Variants in MARCHF8 observed in about 807,000 individuals in gnomAD.
The protein encoded by MARCHF8 is E3 ubiquitin-protein ligase MARCHF8.
A neutral mutation model predicts 51.6 loss-of-function variants in MARCHF8; 40 were observed. That is an observed-to-expected ratio of 0.77 (90% confidence interval 0.60 to 1.01). MARCHF8 has a LOEUF of 1.01. Ranked by LOEUF, MARCHF8 falls within the 50% of genes least tolerant of loss-of-function variation. The probability of loss-of-function intolerance (pLI) is 0.00; values close to 1 mark genes in which losing one functional copy is unlikely to be tolerated. For synonymous variants in MARCHF8, 263 were observed against 280.3 expected, an observed-to-expected ratio of 0.94 and a Z score of 0.62; for missense variants, 685 against 708.6, an observed-to-expected ratio of 0.97 and a Z score of 0.38.
chr10:45,498,517 C>T (rs1238714204), intron 2 of MARCHF8, among the ~76,000 whole-genome samples: 1 of 152,076 alleles, frequency 6.6e-6, no homozygotes, highest in Admixed American at 6.5e-5. Flanking sequence ...GCTCTGTCAC[C>T]CAGGCTGGAG....
At chr10:45,593,479 TTCAC>T (rs1420126604) in intron 1 of MARCHF8, 1 of 152,234 alleles carries the variant, frequency 6.6e-6, no homozygotes, top group Non-Finnish European at 1.5e-5. Flanking sequence ...CAAGAGCATG[TTCAC>T]ATTATTTCAT....
At chr10:45,556,697 C>T (rs960200392) in intron 1 of MARCHF8, among the ~76,000 whole-genome samples, 3 of 152,162 alleles carry the variant, frequency 2.0e-5, no homozygotes, top group Non-Finnish European at 4.4e-5. Flanking sequence ...GGGTCAAGTC[C>T]CTTATTTCTC....
rs1189644484 is a variant in MARCHF8, at chr10:45,464,446, G to A, written c.154-119C>T. 3.7e-5 allele frequency: 29 copies of A among 785,782 alleles called. 1 individual carries two copies. In the East Asian group the frequency reaches 4.3e-4, roughly 12 times the overall value. The allele number at this position is 785,782 out of a possible 1,614,324, so 48.7% of individuals were successfully genotyped here. On this transcript the variant is annotated intron_variant, in intron 3 of 7. Transcript: ENST00000453424. ...TGTCTGCTGCTTCCCGCTGCTCAAC[G>A]AGTAACACATATTAGATCCTTCTAA...
intron 1 of MARCHF8, among the ~76,000 whole-genome samples, chr10:45,580,340 A>AT (rs1491235976): frequency 2.0e-5 from 3 of 152,212 alleles, no homozygotes; most frequent in Non-Finnish European, 4.4e-5. Context: ...CAGAACAGAC[A>AT]TATTATAAAC....
intron 1 of MARCHF8, among the ~76,000 whole-genome samples, chr10:45,564,842 T>C (rs570071109): frequency 6.6e-6 from 1 of 151,174 alleles, no homozygotes; most frequent in Admixed American, 6.6e-5. Flanking sequence ...ACATCTATAA[T>C]GCTCAAAGAG....
rs188098744 is a variant in MARCHF8 at position 45,567,893 on chromosome 10, T to C, written c.-79+26342A>G. The stretch of plus-strand genomic sequence containing the variant: ...TTGGGTAGTATGGACATTTTAACAA[T>C]ACTGATTCTTCCAATCCATGAACAT... On this transcript the variant is annotated intron_variant, in intron 1 of 6. Transcript: ENST00000319836. Among the ~76,000 whole-genome samples, 32 of 152,336 alleles carry C rather than the reference T, an allele frequency of 2.1e-4. No homozygotes were observed. The East Asian group carries it at 5.4e-3, about 26-fold the overall frequency.
At chr10:45,562,491 G>A (rs962365027) in intron 1 of MARCHF8, among the ~76,000 whole-genome samples, 4 of 152,056 alleles carry the variant, frequency 2.6e-5, no homozygotes, top group East Asian at 1.9e-4. Flanking sequence ...TATTATCTTC[G>A]AAGTATCAAG....
chr10:45,498,896 A>C (rs986512078), intron 2 of MARCHF8, among the ~76,000 whole-genome samples: 1 of 152,234 alleles, frequency 6.6e-6, no homozygotes, highest in Non-Finnish European at 1.5e-5. Flanking sequence ...ACTGTAAATA[A>C]TGTTGCTATG....
intron 1 of MARCHF8, among the ~76,000 whole-genome samples, chr10:45,547,244 G>A (rs957731211): frequency 3.9e-5 from 6 of 152,032 alleles, no homozygotes; most frequent in Non-Finnish European, 8.8e-5. Context: ...TAATAATGGA[G>A]GAAAAAACTA....
At chr10:45,535,650 C>T (rs369315388), upstream of MARCHF8, among the ~76,000 whole-genome samples, 10 of 152,098 alleles carry the variant, frequency 6.6e-5, no homozygotes, top group African/African-American at 1.4e-4. Flanking sequence ...TACAAACAAA[C>T]GATAAAACAG....
At chr10:45,582,802 G>GA (rs777825781) in intron 1 of MARCHF8, among the ~76,000 whole-genome samples, 221 of 152,250 alleles carry the variant, frequency 1.5e-3, no homozygotes, top group Admixed American at 3.0e-3. Flanking sequence ...TGATGCAGGT[G>GA]AAAAAAACTA....
At chr10:45,503,988 T>G (rs2043332052) in intron 2 of MARCHF8, among the ~76,000 whole-genome samples, 1 of 151,754 alleles carries the variant, frequency 6.6e-6, no homozygotes, top group Admixed American at 6.6e-5. Flanking sequence ...GAATGGGGAG[T>G]GACTGCTAAT....
intron 1 of MARCHF8, among the ~76,000 whole-genome samples, chr10:45,564,270 T>C (rs993212890): frequency 6.6e-6 from 1 of 152,060 alleles, no homozygotes; most frequent in Admixed American, 6.6e-5. Context: ...TGAGACTCCG[T>C]CTCAAAAAAT....
intron 1 of MARCHF8, among the ~76,000 whole-genome samples, chr10:45,587,540 A>T (rs1377980783): frequency 6.6e-6 from 1 of 152,214 alleles, no homozygotes; most frequent in East Asian, 1.9e-4. Flanking sequence ...ATCCCAATTG[A>T]AACCACAAGT....
At chr10:45,583,625 G>A (rs1031340795) in intron 1 of MARCHF8, among the ~76,000 whole-genome samples, 8 of 152,004 alleles carry the variant, frequency 5.3e-5, no homozygotes, top group South Asian at 4.2e-4. Context: ...AAAAGAATGC[G>A]GATCTGTATG....
At chr10:45,532,343 T>C (rs1326281154) in intron 2 of MARCHF8, among the ~76,000 whole-genome samples, 1 of 152,234 alleles carries the variant, frequency 6.6e-6, no homozygotes, top group Non-Finnish European at 1.5e-5. Flanking sequence ...CCTTTTTCTA[T>C]TCCAAACAAG....
chr10:45,463,869 ATGTGTCCTTACAGATAACTGTCACAG>A lies in MARCHF8; in HGVS notation c.344_369del (p.Thr115IlefsTer21). The A allele has an allele frequency of 3.2e-6, 5 of 1,538,612 alleles. 1 individual carries two copies. In the Middle Eastern group the frequency reaches 8.3e-4, roughly 257 times the overall value. On this transcript the variant is annotated frameshift_variant, in exon 5 of 8. Transcript: ENST00000453424. LOFTEE classifies it high-confidence loss of function. ...AAGGAATTTCTCTTTGACGCCTGTA[ATGTGTCCTTACAGATAACTGTCACAG>A]TGAGCCCTTGTGTCAGAGAACTCTG...
At chr10:45,583,666 AAT>A (rs2044580031) in intron 1 of MARCHF8, among the ~76,000 whole-genome samples, 2 of 152,204 alleles carry the variant, frequency 1.3e-5, no homozygotes, top group African/African-American at 4.8e-5. Context: ...CATATTTCAA[AAT>A]ATAGTATGTA....
At chr10:45,591,478 A>AAGC (rs980457949) in intron 1 of MARCHF8, among the ~76,000 whole-genome samples, 1 of 152,156 alleles carries the variant, frequency 6.6e-6, no homozygotes, top group East Asian at 1.9e-4. Flanking sequence ...AAAAAAAAAA[A>AAGC]AGCAGCAGCA....
Sources: gnomAD v4.1 joint callset for allele counts (sites outside exome capture counted in the v4.1 genomes callset) on GRCh38, gnomAD v4.1.1 for gene constraint, MANE v1.5 for transcripts, NCBI Gene and HGNC (gene_info 2026-07-23, HGNC 2026-07-21) for gene names.